The following ANKS1B variants were observed in gnomAD, a reference collection of about 807,000 sequenced individuals.
The protein encoded by ANKS1B is ankyrin repeat and sterile alpha motif domain containing 1B.
In ANKS1B, 36 loss-of-function variants were observed where a neutral mutation model predicts 148.3. That is an observed-to-expected ratio of 0.24 (90% CI 0.19 to 0.32). The LOEUF (loss-of-function observed/expected upper bound fraction) is 0.32. Among genes scored for constraint, ANKS1B ranks in the 10% least tolerant of loss-of-function variants. The pLI is 1.00. For synonymous variants in ANKS1B, 542 were observed against 560.8 expected, an observed-to-expected ratio of 0.97 and a Z score of 0.47; for missense variants, 1,157 against 1,542.6, an observed-to-expected ratio of 0.75 and a Z score of 4.19.
chr12:99,520,856 G>GCATGATCT (rs2096868591), intron 9 of ANKS1B, among the ~76,000 whole-genome samples: 1 of 152,090 alleles, frequency 6.6e-6, no homozygotes, highest in South Asian at 2.1e-4. Flanking sequence ...AAGTGCAATG[G>GCATGATCT]CATGATCTCA....
chr12:99,631,252 T>G (rs780932171), intron 9 of ANKS1B, among the ~76,000 whole-genome samples: 5 of 152,184 alleles, frequency 3.3e-5, no homozygotes, highest in Non-Finnish European at 7.4e-5. Flanking sequence ...TTTATTTTCT[T>G]TATAAATTCC....
chr12:99,573,680 C>A lies in ANKS1B; in HGVS notation c.1273-69039G>T, dbSNP rs1035083941. Among the ~76,000 whole-genome samples, 3 of 152,040 alleles carry A rather than the reference C, an allele frequency of 2.0e-5. No individual in the cohort carries two copies. In the East Asian group the frequency reaches 5.8e-4, roughly 29 times the overall value. Reference sequence around the variant, plus strand: ...CTCCAGCACACAATGCCCCACATCACTCTCAATCAATAATCATTATTATTT... The same window carrying A: ...CTCCAGCACACAATGCCCCACATCAATCTCAATCAATAATCATTATTATTT... On this transcript the variant is annotated intron_variant, in intron 9 of 26. Coordinates refer to ENST00000683438, the MANE Select transcript of ANKS1B (RefSeq NM_001352186.2).
At chr12:99,084,069 G>T (rs2050761922) in intron 16 of ANKS1B, among the ~76,000 whole-genome samples, 1 of 152,170 alleles carries the variant, frequency 6.6e-6, no homozygotes, top group Non-Finnish European at 1.5e-5. Flanking sequence ...ATGATGCCTG[G>T]TTGGTAAATT....
At chr12:99,201,219 T>C (rs1210811695) in intron 14 of ANKS1B, among the ~76,000 whole-genome samples, 2 of 152,090 alleles carry the variant, frequency 1.3e-5, no homozygotes, top group African/African-American at 2.4e-5. Flanking sequence ...TTCTGAATCA[T>C]AGTAAGGTGT....
intron 8 of ANKS1B, among the ~76,000 whole-genome samples, chr12:99,709,841 C>CT (rs1227107997): frequency 6.6e-5 from 10 of 152,096 alleles, no homozygotes; most frequent in Non-Finnish European, 1.5e-4. Flanking sequence ...ATACATAACT[C>CT]TAAGCAAATA....
At chr12:99,472,863 G>A (rs1252204890) in intron 10 of ANKS1B, among the ~76,000 whole-genome samples, 1 of 152,032 alleles carries the variant, frequency 6.6e-6, no homozygotes, top group Non-Finnish European at 1.5e-5. Flanking sequence ...GAAAGTCCTT[G>A]AAGGCACTAT....
At chr12:99,603,292 C>G (rs1164458119) in intron 9 of ANKS1B, among the ~76,000 whole-genome samples, 1 of 152,090 alleles carries the variant, frequency 6.6e-6, no homozygotes, top group African/African-American at 2.4e-5. Flanking sequence ...AAGCCAAGGA[C>G]TCACTGTCAA....
intron 8 of ANKS1B, among the ~76,000 whole-genome samples, chr12:99,662,575 C>G (rs1423657652): frequency 6.6e-6 from 1 of 152,156 alleles, no homozygotes; most frequent in Non-Finnish European, 1.5e-5. Flanking sequence ...CTAAGAGGAA[C>G]CAATGTAACT....
At chr12:99,341,019 C>T (rs960642598) in intron 12 of ANKS1B, 1 of 152,070 alleles carries the variant, frequency 6.6e-6, no homozygotes, top group African/African-American at 2.4e-5. Context: ...AGTAATAAAT[C>T]ATGAAACTGT....
chr12:99,547,737 G>A lies in ANKS1B; in HGVS notation c.1273-43096C>T, dbSNP rs555626044. Among the ~76,000 whole-genome samples, 13 of 152,272 alleles carry A rather than the reference G, an allele frequency of 8.5e-5. No individual in the cohort carries two copies. The South Asian group carries it at 2.5e-3, about 29-fold the overall frequency. ...TTGAACCGAGCATTATTCAGGAAGTGAAACACTCCCATGTCTTGGGAATAC... is the reference window on the plus strand; with the variant it reads ...TTGAACCGAGCATTATTCAGGAAGTAAAACACTCCCATGTCTTGGGAATAC... On this transcript the variant is annotated intron_variant, in intron 9 of 26. Coordinates refer to ENST00000683438, the MANE Select transcript of ANKS1B (RefSeq NM_001352186.2).
intron 15 of ANKS1B, among the ~76,000 whole-genome samples, chr12:99,102,056 C>T (rs2058069961): frequency 6.6e-6 from 1 of 151,840 alleles, no homozygotes; most frequent in Non-Finnish European, 1.5e-5. Context: ...AGGGGAAATG[C>T]CATGAGAGAA....
intron 12 of ANKS1B, among the ~76,000 whole-genome samples, chr12:99,370,675 C>T (rs891965108): frequency 2.0e-5 from 3 of 152,150 alleles, no homozygotes; most frequent in Non-Finnish European, 4.4e-5. Context: ...TGAAATATTA[C>T]TTTAATTAAC....
chr12:99,917,149 G>C (rs889133871), intron 1 of ANKS1B, among the ~76,000 whole-genome samples: 1 of 152,286 alleles, frequency 6.6e-6, no homozygotes, highest in South Asian at 2.1e-4. Flanking sequence ...AGGGGCTAGT[G>C]GTTCTGCTAA....
At chr12:99,837,417 G>A (rs1170418628) in intron 1 of ANKS1B, among the ~76,000 whole-genome samples, 3 of 152,076 alleles carry the variant, frequency 2.0e-5, no homozygotes, top group African/African-American at 4.8e-5. Context: ...TAACACACCC[G>A]AAATATGAGA....
chr12:99,481,615 T>C (rs547066497), intron 10 of ANKS1B, among the ~76,000 whole-genome samples: 30 of 151,908 alleles, frequency 2.0e-4, no homozygotes, highest in Non-Finnish European at 3.7e-4. Context: ...GGAACCTCCA[T>C]ACTGTTTTCC....
chr12:99,828,554 GA>G (rs998846230), intron 1 of ANKS1B, among the ~76,000 whole-genome samples: 4 of 150,842 alleles, frequency 2.7e-5, no homozygotes, highest in East Asian at 3.9e-4. Context: ...ACAAACTACA[GA>G]AAAAAAAGAA....
intron 1 of ANKS1B, among the ~76,000 whole-genome samples, chr12:99,918,304 CAAGTTGGGT>C (rs2094234818): frequency 6.6e-6 from 1 of 152,190 alleles, no homozygotes; most frequent in Admixed American, 6.5e-5. Context: ...CCTCAGTAGC[CAAGTTGGGT>C]AATTTGTACT....
At chr12:99,006,299 C>T (rs953754161) in intron 17 of ANKS1B, among the ~76,000 whole-genome samples, 11 of 152,156 alleles carry the variant, frequency 7.2e-5, no homozygotes, top group African/African-American at 2.7e-4. Context: ...GAGAAATTAA[C>T]ATATTCATTC....
At chr12:99,212,114 C>G (rs77049439) in intron 14 of ANKS1B, among the ~76,000 whole-genome samples, 2,014 of 152,278 alleles carry the variant, frequency 0.013, 40 homozygotes, top group African/African-American at 0.046. Context: ...CACACTTGGG[C>G]GGCTACAGTA....
Sources: allele counts gnomAD v4.1 joint callset (sites outside exome capture counted in the v4.1 genomes callset), GRCh38; gene constraint gnomAD v4.1.1; transcripts MANE v1.5; gene names NCBI Gene and HGNC (gene_info 2026-07-23, HGNC 2026-07-21).